The following HIKESHI variants were observed in gnomAD, a reference collection of about 807,000 sequenced individuals.
HIKESHI encodes the protein heat shock protein nuclear import factor hikeshi, also known as protein Hikeshi.
A neutral mutation model predicts 25.7 loss-of-function variants in HIKESHI; 13 were observed. That is an observed-to-expected ratio of 0.51 (90% confidence interval 0.33 to 0.80). The LOEUF (loss-of-function observed/expected upper bound fraction) is 0.80, where lower values mean the gene tolerates loss of function less well. Ranked by LOEUF, HIKESHI falls within the 30% of genes least tolerant of loss-of-function variation. The pLI, the probability that HIKESHI is intolerant of heterozygous loss-of-function variation, is 0.02. For synonymous variants in HIKESHI, 76 were observed against 78.7 expected (o/e 0.97, Z 0.18); for missense variants, 174 against 229.5 (o/e 0.76, Z 1.56).
At chr11:86,328,405 C>T (rs911104301) in intron 2 of HIKESHI, among the ~76,000 whole-genome samples, 3 of 151,092 alleles carry the variant, frequency 2.0e-5, no homozygotes, top group African/African-American at 4.9e-5. Flanking sequence ...ACTACAGGCA[C>T]TCACCACCAT....
chr11:86,329,214 G>A (rs971394628), intron 2 of HIKESHI, among the ~76,000 whole-genome samples: 12 of 150,740 alleles, frequency 8.0e-5, no homozygotes, highest in African/African-American at 2.4e-4. Flanking sequence ...TTTCAGAAAC[G>A]GTGATCTGGA....
intron 2 of HIKESHI, among the ~76,000 whole-genome samples, chr11:86,326,006 A>G (rs1457773528): frequency 1.3e-5 from 2 of 152,020 alleles, no homozygotes; most frequent in African/African-American, 4.8e-5. Context: ...GCATTTAACT[A>G]AAAACTTCAG....
chr11:86,321,895 G>A (rs1947159166), intron 2 of HIKESHI, among the ~76,000 whole-genome samples: 1 of 152,140 alleles, frequency 6.6e-6, no homozygotes, highest in Non-Finnish European at 1.5e-5. Context: ...TCAACACTTG[G>A]TATGGTCAGT....
chr11:86,315,796 A>G (rs1011161532), intron 2 of HIKESHI, among the ~76,000 whole-genome samples: 3 of 152,172 alleles, frequency 2.0e-5, no homozygotes, highest in Non-Finnish European at 4.4e-5. Flanking sequence ...AAATTGGTAA[A>G]CCTATAGACA....
At chr11:86,317,208 C>G (rs1947010471) in intron 2 of HIKESHI, among the ~76,000 whole-genome samples, 1 of 152,044 alleles carries the variant, frequency 6.6e-6, no homozygotes, top group African/African-American at 2.4e-5. Context: ...TAAAGAGATT[C>G]ACTCACAAGG....
At chr11:86,318,949 C>A (rs1947071052) in intron 2 of HIKESHI, among the ~76,000 whole-genome samples, 1 of 152,072 alleles carries the variant, frequency 6.6e-6, no homozygotes, top group African/African-American at 2.4e-5. Flanking sequence ...CAGGATCTTA[C>A]TCTGTTTTCC....
intron 2 of HIKESHI, among the ~76,000 whole-genome samples, chr11:86,331,662 A>G (rs1947427804): frequency 6.6e-6 from 1 of 152,166 alleles, no homozygotes; most frequent in Non-Finnish European, 1.5e-5. Context: ...ACTTTGCTTC[A>G]TTAAGTACCT....
chr11:86,316,370 G>A (rs1468099635), intron 2 of HIKESHI, among the ~76,000 whole-genome samples: 1 of 151,944 alleles, frequency 6.6e-6, no homozygotes, highest in Non-Finnish European at 1.5e-5. Flanking sequence ...AAATTAGCCG[G>A]GTGTGGTGGC....
At chr11:86,339,701 T>G (rs945685517) in intron 3 of HIKESHI, among the ~76,000 whole-genome samples, 2 of 152,228 alleles carry the variant, frequency 1.3e-5, no homozygotes, top group African/African-American at 4.8e-5. Flanking sequence ...ACTTAGTTAC[T>G]CCAAATTTTT....
intron 2 of HIKESHI, among the ~76,000 whole-genome samples, chr11:86,336,487 C>T (rs1274532823): frequency 6.6e-6 from 1 of 152,122 alleles, no homozygotes; most frequent in African/African-American, 2.4e-5. Context: ...TGCCCTACTA[C>T]CACGTGAGAA....
chr11:86,343,283 T>A (rs1947782528), intron 3 of HIKESHI, among the ~76,000 whole-genome samples: 1 of 150,490 alleles, frequency 6.6e-6, no homozygotes, highest in East Asian at 2.0e-4. Flanking sequence ...AAAATTATTG[T>A]CACTGGTGTG....
At chr11:86,318,258 C>G (rs973398753) in intron 2 of HIKESHI, among the ~76,000 whole-genome samples, 1 of 118,404 alleles carries the variant, frequency 8.4e-6, no homozygotes, top group South Asian at 2.8e-4. Flanking sequence ...GAGCCAGGAT[C>G]GCGCCATTGC....
In HIKESHI at chr11:86,336,860, T is replaced by C. The variant is rs563922766; in HGVS notation, c.269-519T>C. ...ACTCATCACATGCAAGGATCCTTGCTAAGATTAATAGCTGATTTCTCATCA... is the reference window on the plus strand; with the variant it reads ...ACTCATCACATGCAAGGATCCTTGCCAAGATTAATAGCTGATTTCTCATCA... On this transcript the variant is annotated intron_variant, in intron 2 of 4. Transcript: ENST00000278483. Among the ~76,000 whole-genome samples, 36 of 151,904 alleles carry C rather than the reference T, an allele frequency of 2.4e-4. 1 individual carries two copies. The South Asian group carries it at 6.7e-3, about 28-fold the overall frequency.
intron 2 of HIKESHI, among the ~76,000 whole-genome samples, chr11:86,315,366 G>T (rs987833412): frequency 2.0e-5 from 3 of 151,842 alleles, no homozygotes; most frequent in African/African-American, 7.3e-5. Context: ...TACTGCCCAG[G>T]CTGGAGTGCA....
intron 2 of HIKESHI, among the ~76,000 whole-genome samples, chr11:86,317,966 G>T (rs990005752): frequency 1.3e-5 from 2 of 151,962 alleles, no homozygotes; most frequent in Non-Finnish European, 2.9e-5. Flanking sequence ...TTTTCTAGAA[G>T]AATATACCAA....
intron 2 of HIKESHI, among the ~76,000 whole-genome samples, chr11:86,319,236 A>G (rs972360412): frequency 2.4e-5 from 2 of 82,988 alleles, no homozygotes; most frequent in South Asian, 9.0e-4. Context: ...ATATATATAT[A>G]TATATATTTT....
intron 2 of HIKESHI, among the ~76,000 whole-genome samples, chr11:86,308,802 G>C (rs1047038750): frequency 6.6e-6 from 1 of 151,914 alleles, no homozygotes; most frequent in African/African-American, 2.4e-5. Flanking sequence ...TCCCACCTAT[G>C]AGTGAGAACA....
chr11:86,303,781 T>C (rs1048257624), intron 1 of HIKESHI, among the ~76,000 whole-genome samples: 2 of 152,190 alleles, frequency 1.3e-5, no homozygotes, highest in Non-Finnish European at 2.9e-5. Flanking sequence ...AAAAATCTAC[T>C]TATCTAAACT....
At chr11:86,317,893 T>A (rs1263977122) in intron 2 of HIKESHI, among the ~76,000 whole-genome samples, 1 of 152,184 alleles carries the variant, frequency 6.6e-6, no homozygotes, top group Non-Finnish European at 1.5e-5. Flanking sequence ...GAGTTTCAAA[T>A]AAAATTTATA....
Sources: allele counts gnomAD v4.1 joint callset (sites outside exome capture counted in the v4.1 genomes callset), GRCh38; gene constraint gnomAD v4.1.1; transcripts MANE v1.5; gene names NCBI Gene and HGNC (gene_info 2026-07-23, HGNC 2026-07-21).